SMAD2: variants seen among roughly 807,000 people sequenced by gnomAD.
SMAD2 encodes MAD homolog 2.
In SMAD2, 8 loss-of-function variants were observed where a neutral mutation model predicts 64.4. That is an observed-to-expected ratio of 0.12 (90% CI 0.07 to 0.22). The LOEUF (loss-of-function observed/expected upper bound fraction) is 0.22. SMAD2 is among the 10% of genes least tolerant of loss of function. SMAD2 has a pLI of 1.00. For synonymous variants in SMAD2, 203 were observed against 195.8 expected (o/e 1.04, Z -0.31); for missense variants, 289 against 561.2 (o/e 0.51, Z 4.90).
Position 47,819,012 on chromosome 18 carries a change from T to A in SMAD2, c.*22815A>T, listed in dbSNP as rs1912471120. 6.6e-6 allele frequency: 1 copy of A among 152,274 alleles called. No homozygotes were observed. The highest frequency in any genetic ancestry group is 6.5e-5 in the Admixed American group (1 of 15,292). 9.4% of individuals were successfully genotyped at this position (152,274 alleles called of 1,614,324 possible). ...GTGTGTTTACACATATGTATATATATGTTGTATGTTGTGTCTACGTGGTAA... is the reference window on the plus strand; with the variant it reads ...GTGTGTTTACACATATGTATATATAAGTTGTATGTTGTGTCTACGTGGTAA... On this transcript the variant is annotated 3_prime_UTR_variant, in exon 11 of 11. Coordinates refer to ENST00000262160, the MANE Select transcript of SMAD2 (RefSeq NM_005901.6).
chr18:47,911,625 AG>A (rs2034138763), intron 1 of SMAD2, among the ~76,000 whole-genome samples: 1 of 152,216 alleles, frequency 6.6e-6, no homozygotes, highest in African/African-American at 2.4e-5. Context: ...AAAATTTGAA[AG>A]GAGTCAATAA....
rs1284693824 is a variant in SMAD2, at chr18:47,822,266, G to A, written c.*19561C>T. 1 of 152,098 alleles carries A rather than the reference G, an allele frequency of 6.6e-6. No individual in the cohort carries two copies. The highest frequency in any genetic ancestry group is 1.5e-5 in the Non-Finnish European group (1 of 68,008). 9.4% of individuals were successfully genotyped at this position (152,098 alleles called of 1,614,324 possible). ...AACTCTCATCAGATTTTTAATCATG[G>A]TTATTCTAAGTTTTTGTAATTCCCA... On this transcript the variant is annotated 3_prime_UTR_variant, in exon 11 of 11. Coordinates refer to ENST00000262160, the MANE Select transcript of SMAD2 (RefSeq NM_005901.6).
At chr18:47,848,356 A>C in intron 8 of SMAD2, 119 bp downstream of exon 8, 1 of 774,538 alleles carries the variant, frequency 1.3e-6, no homozygotes, top group Non-Finnish European at 2.3e-6. Context: ...GTCGGCACTT[A>C]AACCACCAGA....
intron 3 of SMAD2, 46 bp downstream of exon 3, chr18:47,870,429 C>A (rs774402416): frequency 7.2e-7 from 1 of 1,382,486 alleles, no homozygotes; most frequent in Non-Finnish European, 1.0e-6. Flanking sequence ...AAATATACCC[C>A]CCTCCCACAA....
At chr18:47,922,908 T>C (rs1568119996) in intron 1 of SMAD2, among the ~76,000 whole-genome samples, 1 of 152,238 alleles carries the variant, frequency 6.6e-6, no homozygotes, top group Non-Finnish European at 1.5e-5. Context: ...ATGGGTCATG[T>C]CTTTTAAACA....
rs5824708 is a variant in SMAD2 at position 47,830,576 on chromosome 18, C to CAAAAAAAAAAAAAAAAAAAA, written c.*11250_*11251insTTTTTTTTTTTTTTTTTTTT. On this transcript the variant is annotated 3_prime_UTR_variant, in exon 11 of 11. Coordinates refer to ENST00000262160, the MANE Select transcript of SMAD2 (RefSeq NM_005901.6). ...GGGCAACAGAGCAAGACTCTGTCTCCAAAAAAAAAAAAAAAAAATTCGTTT... is the reference window on the plus strand; with the variant it reads ...GGGCAACAGAGCAAGACTCTGTCTCCAAAAAAAAAAAAAAAAAAAAAAAAAAAAAAAAAAAAAATTCGTTT... 4.5e-4 allele frequency: 57 copies of CAAAAAAAAAAAAAAAAAAAA among 125,380 alleles called. No homozygotes were observed. Among genetic ancestry groups the CAAAAAAAAAAAAAAAAAAAA allele is most frequent in the African/African-American group, 1.8e-3 (56 of 31,100 alleles). The allele number at this position is 125,380 out of a possible 1,614,324, so 7.8% of individuals were successfully genotyped here. A position where few individuals can be genotyped will look rare whatever the true frequency, so the allele number is the denominator to read the frequency against.
intron 7 of SMAD2, among the ~76,000 whole-genome samples, chr18:47,849,689 C>T (rs1914903814): frequency 6.6e-6 from 1 of 151,958 alleles, no homozygotes; most frequent in Non-Finnish European, 1.5e-5. Context: ...AATATAAATG[C>T]TATACAAATA....
rs778840778 is a variant in SMAD2, at chr18:47,851,234, A to T, written c.784+40T>A. 1.2e-5 allele frequency: 16 copies of T among 1,339,486 alleles called. No individual in the cohort carries two copies. In the Admixed American group the frequency reaches 1.7e-4, roughly 14 times the overall value. The allele number at this position is 1,339,486 out of a possible 1,614,324, so 83.0% of individuals were successfully genotyped here. A position where few individuals can be genotyped will look rare whatever the true frequency, so the allele number is the denominator to read the frequency against. On this transcript the variant is annotated intron_variant, in intron 7 of 10. Coordinates refer to ENST00000262160, the MANE Select transcript of SMAD2 (RefSeq NM_005901.6). The stretch of plus-strand genomic sequence containing the variant: ...TGATTTTTATTATTAAGTAGGTGAT[A>T]CAGTATAAAAATGATGAGGGGAACA...
intron 1 of SMAD2, among the ~76,000 whole-genome samples, chr18:47,928,634 T>C (rs1398493251): frequency 6.6e-6 from 1 of 152,210 alleles, no homozygotes; most frequent in Non-Finnish European, 1.5e-5. Context: ...TATTATTTCA[T>C]GAAACTTACA....
At chr18:47,919,786 T>C (rs1272083773) in intron 1 of SMAD2, among the ~76,000 whole-genome samples, 2 of 152,022 alleles carry the variant, frequency 1.3e-5, no homozygotes, top group African/African-American at 4.8e-5. Flanking sequence ...AACAGCTTTG[T>C]ACCACTCTTT....
rs1175001444 is a variant in SMAD2 at position 47,834,007 on chromosome 18, A to G, written c.*7820T>C. On this transcript the variant is annotated 3_prime_UTR_variant, in exon 11 of 11. Transcript: ENST00000262160. ...GTTCCATTATAACATCAGTTACCTT[A>G]GCTGGATCACTAAGTGTGAGTCTCA... 4.5e-6 allele frequency: 1 copy of G among 222,260 alleles called. No homozygotes were observed. The highest frequency in any genetic ancestry group is 9.0e-6 in the Non-Finnish European group (1 of 111,494). 13.8% of individuals were successfully genotyped at this position (222,260 alleles called of 1,614,324 possible).
upstream of SMAD2, chr18:47,930,860 G>A (rs1215074351): frequency 1.3e-5 from 2 of 149,554 alleles, no homozygotes; most frequent in Admixed American, 1.3e-4. Flanking sequence ...CGGCCGCGCG[G>A]GTAGACCCGC....
intron 7 of SMAD2, 117 bp downstream of exon 7, chr18:47,851,157 G>T: frequency 2.8e-6 from 2 of 725,324 alleles, no homozygotes; most frequent in Non-Finnish European, 5.0e-6. Flanking sequence ...ATAATTATTT[G>T]GCTATTCATT....
chr18:47,880,604 C>A (rs2032530082), intron 2 of SMAD2, among the ~76,000 whole-genome samples: 2 of 152,198 alleles, frequency 1.3e-5, no homozygotes, highest in African/African-American at 4.8e-5. Context: ...CAGTTTACTG[C>A]ATGGTAATTC....
chr18:47,822,321 A>G lies in SMAD2; in HGVS notation c.*19506T>C, dbSNP rs998761058. 10 of 152,192 alleles carry G rather than the reference A, an allele frequency of 6.6e-5. No homozygotes were observed. The highest frequency in any genetic ancestry group is 5.2e-4 in the Admixed American group (8 of 15,284). 9.4% of individuals were successfully genotyped at this position (152,192 alleles called of 1,614,324 possible). A position where few individuals can be genotyped will look rare whatever the true frequency, so the allele number is the denominator to read the frequency against. On this transcript the variant is annotated 3_prime_UTR_variant, in exon 11 of 11. Coordinates refer to ENST00000262160, the MANE Select transcript of SMAD2 (RefSeq NM_005901.6). ...TTGCTTTTTCTCTAAAAGCATTTGC[A>G]ATCAGATTCATGGAAAAGATGCTAA...
chr18:47,833,857 T>C lies in SMAD2; in HGVS notation c.*7970A>G, dbSNP rs559240000. ...CACAAGAAAAGAAATCTGCAACAAT[T>C]GGTTTCCTTTTACTATGAAAAATGT... On this transcript the variant is annotated 3_prime_UTR_variant, in exon 11 of 11. Transcript: ENST00000262160. 3.0e-4 allele frequency: 69 copies of C among 230,098 alleles called. No individual in the cohort carries two copies. Among genetic ancestry groups the C allele is most frequent in the African/African-American group, 1.5e-3 (67 of 45,270 alleles). 14.3% of individuals were successfully genotyped at this position (230,098 alleles called of 1,614,324 possible).
intron 1 of SMAD2, among the ~76,000 whole-genome samples, chr18:47,918,613 T>G (rs1178673336): frequency 1.3e-5 from 2 of 152,136 alleles, no homozygotes; most frequent in Non-Finnish European, 2.9e-5. Flanking sequence ...AGGAAAAGAC[T>G]ATACAGAGAA....
chr18:47,910,572 T>C (rs1297759467), intron 1 of SMAD2, among the ~76,000 whole-genome samples: 2 of 152,212 alleles, frequency 1.3e-5, no homozygotes, highest in Non-Finnish European at 2.9e-5. Context: ...TTACACTGAA[T>C]GTGCCTGACT....
intron 6 of SMAD2, 121 bp downstream of exon 6, chr18:47,864,938 C>A: frequency 1.5e-6 from 1 of 687,534 alleles, no homozygotes; most frequent in South Asian, 1.6e-5. Context: ...GATAGAAGAT[C>A]ATCTTTTTTG....
Sources: allele counts gnomAD v4.1 joint callset (sites outside exome capture counted in the v4.1 genomes callset), GRCh38; gene constraint gnomAD v4.1.1; transcripts MANE v1.5; gene names NCBI Gene and HGNC (gene_info 2026-07-23, HGNC 2026-07-21).